Variants in SGMS2 observed in about 807,000 individuals in gnomAD.
The protein encoded by SGMS2 is phosphatidylcholine:ceramide cholinephosphotransferase 2.
A neutral mutation model predicts 43.8 loss-of-function variants in SGMS2; 21 were observed. That is an observed-to-expected ratio of 0.48 (90% confidence interval 0.34 to 0.69). The LOEUF (loss-of-function observed/expected upper bound fraction) is 0.69. Ranked by LOEUF, SGMS2 falls within the 30% of genes least tolerant of loss-of-function variation. SGMS2 has a pLI of 0.01. For missense variants in SGMS2, 384 were observed against 443.2 expected (o/e 0.87, Z 1.20); for synonymous variants, 167 against 160.6 (o/e 1.04, Z -0.30).
chr4:107,828,999 G>C lies in SGMS2; in HGVS notation c.-327+3746G>C, dbSNP rs191528794. Among the ~76,000 whole-genome samples the C allele has an allele frequency of 1.6e-3, 239 of 150,010 alleles. 1 individual carries two copies. The highest frequency in any genetic ancestry group is 2.9e-3 in the Non-Finnish European group (199 of 67,646). On this transcript the variant is annotated intron_variant, in intron 1 of 6. Transcript: ENST00000690982. ...TGGGGAAGTATAGCAGAATGGAGAG[G>C]TGCTAATTTTGCCAAGGAGCTCTCT... is the stretch of plus-strand genomic sequence containing the variant.
chr4:107,846,619 T>G (rs1212352403), intron 1 of SGMS2, among the ~76,000 whole-genome samples: 2 of 151,808 alleles, frequency 1.3e-5, no homozygotes. Flanking sequence ...GTCCTTTGGG[T>G]ATATACCCAG....
intron 1 of SGMS2, among the ~76,000 whole-genome samples, chr4:107,826,316 C>T (rs937403387): frequency 5.9e-5 from 9 of 152,204 alleles, no homozygotes; most frequent in African/African-American, 2.2e-4. Flanking sequence ...CCTTATAAGC[C>T]TGGTGGGCCG....
chr4:107,875,881 C>T (rs1160101234), intron 2 of SGMS2, among the ~76,000 whole-genome samples: 1 of 152,118 alleles, frequency 6.6e-6, no homozygotes, highest in Non-Finnish European at 1.5e-5. Flanking sequence ...AGACCCTGCT[C>T]TACCTTGAAG....
chr4:107,886,647 A>G (rs1457840451), intron 2 of SGMS2: 1 of 152,094 alleles, frequency 6.6e-6, no homozygotes, highest in African/African-American at 2.4e-5. Flanking sequence ...GCCTGTCAGA[A>G]AGTGACATTC....
intron 1 of SGMS2, among the ~76,000 whole-genome samples, chr4:107,835,245 A>G (rs960792248): frequency 6.6e-6 from 1 of 152,300 alleles, no homozygotes; most frequent in East Asian, 1.9e-4. Context: ...TACAGGTGGA[A>G]AATTAGCTGC....
chr4:107,824,903 G>GGGAGAGCGGGCGC (rs1305988095), upstream of SGMS2: 6 of 152,156 alleles, frequency 3.9e-5, 1 homozygote, highest in South Asian at 4.1e-4. Context: ...GCGGCGGGCG[G>GGGAGAGCGGGCGC]GGAGAGCGGG....
At chr4:107,909,251 G>A (rs1224262866) in intron 6 of SGMS2, among the ~76,000 whole-genome samples, 1 of 151,852 alleles carries the variant, frequency 6.6e-6, no homozygotes, top group African/African-American at 2.4e-5. Flanking sequence ...GATTACAGGT[G>A]CACGACACCA....
chr4:107,897,520 A>G (rs1730772855), intron 3 of SGMS2, among the ~76,000 whole-genome samples: 1 of 152,224 alleles, frequency 6.6e-6, no homozygotes, highest in Non-Finnish European at 1.5e-5. Flanking sequence ...GAAAAGAGAA[A>G]TTGTCCAGAA....
At chr4:107,843,266 T>C (rs934484217) in intron 1 of SGMS2, among the ~76,000 whole-genome samples, 14 of 152,286 alleles carry the variant, frequency 9.2e-5, no homozygotes, top group African/African-American at 3.1e-4. Context: ...AACTTAAATA[T>C]TGACAAAATG....
intron 2 of SGMS2, chr4:107,867,792 A>G (rs181916256): frequency 6.6e-5 from 10 of 152,212 alleles, no homozygotes; most frequent in Admixed American, 6.5e-4. Flanking sequence ...AGTCTAGGCT[A>G]TATAAATTTA....
chr4:107,866,432 G>A (rs1728126176), intron 2 of SGMS2, among the ~76,000 whole-genome samples: 1 of 152,022 alleles, frequency 6.6e-6, no homozygotes, highest in Non-Finnish European at 1.5e-5. Flanking sequence ...CAGGCGTAGT[G>A]GTGTGCACCT....
intron 3 of SGMS2, among the ~76,000 whole-genome samples, chr4:107,896,979 A>G (rs915998087): frequency 3.3e-5 from 5 of 152,202 alleles, no homozygotes; most frequent in Non-Finnish European, 7.3e-5. Flanking sequence ...GCTAACTTGG[A>G]TACAATCTGA....
intron 4 of SGMS2, among the ~76,000 whole-genome samples, chr4:107,902,548 G>A (rs902336633): frequency 1.3e-5 from 2 of 152,092 alleles, no homozygotes; most frequent in Admixed American, 1.3e-4. Context: ...GTTTCTCACT[G>A]TCATCACAGT....
At chr4:107,850,074 TAGTG>T (rs1727053001) in intron 1 of SGMS2, among the ~76,000 whole-genome samples, 1 of 152,186 alleles carries the variant, frequency 6.6e-6, no homozygotes, top group Admixed American at 6.5e-5. Context: ...GTTCTCACAA[TAGTG>T]AGTTCTCAGA....
chr4:107,860,926 G>GT (rs1727697450), intron 2 of SGMS2, among the ~76,000 whole-genome samples: 1 of 152,118 alleles, frequency 6.6e-6, no homozygotes, highest in Non-Finnish European at 1.5e-5. Context: ...GTCAGACTGG[G>GT]TTGCGTGCCT....
chr4:107,910,525 T>C lies in SGMS2; in HGVS notation c.1070T>C (p.Ile357Thr), dbSNP rs1732036749. 6.2e-7 allele frequency: 1 copy of C among 1,613,958 alleles called. No individual in the cohort carries two copies. The highest frequency in any genetic ancestry group is 8.5e-7 in the Non-Finnish European group (1 of 1,179,962). ...AAAAAGTATTCACGGGTTCAGAAGA[T>C]TGGTGAAGACAATGAGAAATCGACC... Reference protein sequence around the residue: ...SCKKYSRVQKIGEDNEKST With the variant: ...SCKKYSRVQKTGEDNEKST The change falls in exon 7 of 7, where the codon ATT becomes ACT. Residue 357 changes from isoleucine to threonine, a missense_variant. Physicochemically the swap from Ile to Thr is moderately conservative, Grantham distance 89. Transcript: ENST00000690982.
At chr4:107,862,909 A>G (rs1727839601) in intron 2 of SGMS2, among the ~76,000 whole-genome samples, 1 of 152,214 alleles carries the variant, frequency 6.6e-6, no homozygotes, top group Admixed American at 6.5e-5. Flanking sequence ...TGCCGCCTCT[A>G]CAAGTCACTG....
At chr4:107,896,545 T>C (rs977598777) in intron 3 of SGMS2, among the ~76,000 whole-genome samples, 15 of 152,284 alleles carry the variant, frequency 9.9e-5, no homozygotes, top group African/African-American at 3.4e-4. Flanking sequence ...GGTTTTTTGT[T>C]TGCTTGCTAT....
intron 2 of SGMS2, chr4:107,864,532 G>A (rs1414764760): frequency 2.0e-5 from 3 of 152,142 alleles, no homozygotes; most frequent in Non-Finnish European, 4.4e-5. Context: ...TTTGAATTAG[G>A]TAGAAACTCT....
Sources: allele counts gnomAD v4.1 joint callset (sites outside exome capture counted in the v4.1 genomes callset), GRCh38; gene constraint gnomAD v4.1.1; transcripts MANE v1.5; gene names NCBI Gene and HGNC (gene_info 2026-07-23, HGNC 2026-07-21).